The following ARHGAP31 variants were observed in gnomAD, a reference collection of about 807,000 sequenced individuals.
ARHGAP31 encodes the protein Rho GTPase activating protein 31.
In ARHGAP31, 34 loss-of-function variants were observed where a neutral mutation model predicts 113.9. The observed-to-expected ratio is 0.30, with a 90% CI of 0.23 to 0.40. The LOEUF is 0.40. Ranked by LOEUF, ARHGAP31 falls within the 10% of genes least tolerant of loss-of-function variation. The pLI is 1.00. For missense variants in ARHGAP31, 1,548 were observed against 1,767.1 expected, an observed-to-expected ratio of 0.88 and a Z score of 2.22; for synonymous variants, 650 against 684.8, an observed-to-expected ratio of 0.95 and a Z score of 0.79.
chr3:119,393,399 T>A, intron 7 of ARHGAP31, 68 bp from the exon 8 acceptor site: 2 of 1,586,726 alleles, frequency 1.3e-6, no homozygotes, highest in Non-Finnish European at 1.7e-6. Context: ...GAATATTTGG[T>A]CTCAATTTAA....
At chr3:119,296,627 C>A (rs1316723920) in intron 1 of ARHGAP31, among the ~76,000 whole-genome samples, 1 of 152,108 alleles carries the variant, frequency 6.6e-6, no homozygotes, top group Non-Finnish European at 1.5e-5. Flanking sequence ...TTCGTTCTTA[C>A]AAACTAATAG....
At position 119,402,006 on chromosome 3, in the gene ARHGAP31, C is replaced by T; in HGVS notation, c.1254C>T (p.Ser418=). 1.2e-6 allele frequency: 2 copies of T among 1,614,160 alleles called. No homozygotes were observed. The highest frequency in any genetic ancestry group is 1.7e-6 in the Non-Finnish European group (2 of 1,180,018). Residue 418 remains serine, a synonymous_variant, in exon 10 of 12, where the codon AGC becomes AGT. Transcript: ENST00000264245. ...EGGFDVSSDR[S]HLQGAQARPP... is the part of the protein sequence containing the mutation. ...GCTTTGATGTGAGCAGTGATCGCAG[C>T]CATCTCCAGGGCGCTCAGGCCCGGC...
At chr3:119,318,114 A>AT (rs201730927) in intron 1 of ARHGAP31, among the ~76,000 whole-genome samples, 1 of 151,386 alleles carries the variant, frequency 6.6e-6, no homozygotes, top group African/African-American at 2.4e-5. Context: ...AAAAAAAAAA[A>AT]TTTTCATTAG....
intron 10 of ARHGAP31, among the ~76,000 whole-genome samples, chr3:119,407,832 G>T (rs1384950960): frequency 6.6e-6 from 1 of 152,150 alleles, no homozygotes; most frequent in Non-Finnish European, 1.5e-5. Flanking sequence ...AGCAAGAAGG[G>T]GCCTTTTTAT....
At chr3:119,326,787 C>T (rs1279349537) in intron 1 of ARHGAP31, among the ~76,000 whole-genome samples, 1 of 152,108 alleles carries the variant, frequency 6.6e-6, no homozygotes, top group Non-Finnish European at 1.5e-5. Flanking sequence ...TCTGCTATTC[C>T]CTTTATGTTC....
intron 1 of ARHGAP31, among the ~76,000 whole-genome samples, chr3:119,302,100 A>T (rs1576983627): frequency 6.6e-6 from 1 of 152,232 alleles, no homozygotes; most frequent in South Asian, 2.1e-4. Flanking sequence ...CTATGGGTCC[A>T]TGTCCTACCC....
intron 6 of ARHGAP31, among the ~76,000 whole-genome samples, chr3:119,388,563 G>A (rs2080475099): frequency 6.6e-6 from 1 of 152,070 alleles, no homozygotes. Context: ...AGAAGCTATG[G>A]CAAAAGCAGA....
At chr3:119,331,319 G>A (rs565576171) in intron 1 of ARHGAP31, among the ~76,000 whole-genome samples, 14 of 152,192 alleles carry the variant, frequency 9.2e-5, no homozygotes, top group African/African-American at 3.1e-4. Context: ...GATCAAAATC[G>A]GCCCTTTAAT....
intron 8 of ARHGAP31, among the ~76,000 whole-genome samples, chr3:119,394,641 GA>G (rs1274635458): frequency 1.3e-5 from 2 of 150,990 alleles, no homozygotes; most frequent in Non-Finnish European, 3.0e-5. Flanking sequence ...CTGGATCCTG[GA>G]AAAAAAACCA....
chr3:119,358,175 C>T (rs1440390358), intron 1 of ARHGAP31, among the ~76,000 whole-genome samples: 1 of 152,094 alleles, frequency 6.6e-6, no homozygotes, highest in Non-Finnish European at 1.5e-5. Context: ...CCAGCAAAGA[C>T]CACCCAACTA....
At position 119,414,336 on chromosome 3, in the gene ARHGAP31, G is replaced by A. The variant is rs3732413; in HGVS notation, c.2407G>A (p.Gly803Ser). Residue 803 changes from glycine (G) to serine (S), a missense_variant, in exon 12 of 12, where the codon GGC becomes AGC. Physicochemically the swap from Gly to Ser is moderately conservative, Grantham distance 56. Transcript: ENST00000264245. ...AACTCCAGTCCTGCTTTCAAAGGGC[G>A]GCCCGGAAAGAGAAGACTCATCCAG... ...ESTPVLLSKG[G>S]PEREDSSRKL... 1,303,782 of 1,614,002 alleles carry A rather than the reference G, an allele frequency of 0.81. 528,134 individuals are homozygous for A. The highest frequency in any genetic ancestry group is 0.92 in the African/African-American group (68,910 of 74,994).
intron 7 of ARHGAP31, among the ~76,000 whole-genome samples, chr3:119,391,641 G>A (rs538398075): frequency 7.2e-6 from 1 of 137,940 alleles, no homozygotes; most frequent in African/African-American, 2.9e-5. Context: ...AAGAAGCGGG[G>A]ATTGAACAGG....
chr3:119,322,366 C>A (rs1342987766), intron 1 of ARHGAP31, among the ~76,000 whole-genome samples: 3 of 152,196 alleles, frequency 2.0e-5, no homozygotes, highest in African/African-American at 7.2e-5. Context: ...GCGTCTAACC[C>A]ACAGTGACAA....
At chr3:119,345,139 C>A (rs1453247837) in intron 1 of ARHGAP31, among the ~76,000 whole-genome samples, 1 of 152,046 alleles carries the variant, frequency 6.6e-6, no homozygotes, top group Non-Finnish European at 1.5e-5. Context: ...TGCCTGCCAC[C>A]ATGCCCGGCT....
intron 1 of ARHGAP31, among the ~76,000 whole-genome samples, chr3:119,328,750 C>T (rs1031610814): frequency 8.5e-5 from 13 of 152,144 alleles, no homozygotes; most frequent in African/African-American, 3.1e-4. Context: ...AAGCGATTCT[C>T]CTGCCTCAGC....
In ARHGAP31 at chr3:119,415,526, G is replaced by T; in HGVS notation, c.3597G>T (p.Ala1199=). The T allele has an allele frequency of 6.2e-7, 1 of 1,614,046 alleles. No individual in the cohort carries two copies. Among genetic ancestry groups the T allele is most frequent in the African/African-American group, 1.3e-5 (1 of 75,006 alleles). The change falls in exon 12 of 12, where the codon GCG becomes GCT. Residue 1199 remains alanine (A), a synonymous_variant. Transcript: ENST00000264245. The part of the protein sequence containing the change: ...SFMVKMCQAR[A]VPVIPPKIQY... ...TGGTCAAAATGTGCCAGGCCAGGGCGGTCCCAGTCATCCCTCCCAAGATTC... is the reference window on the plus strand; with the variant it reads ...TGGTCAAAATGTGCCAGGCCAGGGCTGTCCCAGTCATCCCTCCCAAGATTC...
chr3:119,385,659 C>A (rs898364824), intron 6 of ARHGAP31, among the ~76,000 whole-genome samples: 1 of 152,184 alleles, frequency 6.6e-6, no homozygotes, highest in East Asian at 1.9e-4. Context: ...CCACATGCAG[C>A]ATTTCATTGA....
rs185599421 is a variant in ARHGAP31 at position 119,300,742 on chromosome 3, G to T, written c.100+5738G>T. On this transcript the variant is annotated intron_variant, in intron 1 of 11. Coordinates refer to ENST00000264245, the MANE Select transcript of ARHGAP31 (RefSeq NM_020754.4). ...CTTGGGAGGCTGAGGCAGGAGAATCGCTTGAACCTGGGAGGCGGAGGTTGC... is the reference window on the plus strand; with the variant it reads ...CTTGGGAGGCTGAGGCAGGAGAATCTCTTGAACCTGGGAGGCGGAGGTTGC... 6.3e-3 allele frequency among the ~76,000 whole-genome samples: 948 copies of T among 151,408 alleles called. 14 individuals carry two copies. In the East Asian group the frequency reaches 0.063, roughly 10 times the overall value.
At chr3:119,353,348 T>C (rs933827832) in intron 1 of ARHGAP31, among the ~76,000 whole-genome samples, 7 of 152,248 alleles carry the variant, frequency 4.6e-5, no homozygotes, top group Non-Finnish European at 1.0e-4. Context: ...GTTACAATTT[T>C]TGTGCCTGTC....
Sources: gnomAD v4.1 joint callset for allele counts (sites outside exome capture counted in the v4.1 genomes callset) on GRCh38, gnomAD v4.1.1 for gene constraint, MANE v1.5 for transcripts, NCBI Gene and HGNC (gene_info 2026-07-23, HGNC 2026-07-21) for gene names.